LOXL2: variants seen among roughly 807,000 people sequenced by gnomAD.
LOXL2 encodes lysyl oxidase homolog 2.
In LOXL2, 70 loss-of-function variants were observed where a neutral mutation model predicts 93.0. The observed-to-expected ratio is 0.75, with a 90% CI of 0.62 to 0.92. The LOEUF (loss-of-function observed/expected upper bound fraction) is 0.92. LOXL2 is among the 40% of genes least tolerant of loss of function. LOXL2 has a pLI of 0.00. For missense variants in LOXL2, 973 were observed against 1,054.9 expected (o/e 0.92, Z 1.08); for synonymous variants, 438 against 413.2 (o/e 1.06, Z -0.73).
At chr8:23,388,422 T>A (rs4871871) in intron 1 of LOXL2, among the ~76,000 whole-genome samples, 109,901 of 151,222 alleles carry the variant, frequency 0.73, 40,749 homozygotes, top group African/African-American at 0.88. Context: ...TACAAAAAAA[T>A]TTTTTTTTTT....
intron 12 of LOXL2, among the ~76,000 whole-genome samples, chr8:23,300,806 C>T (rs2117137127): frequency 6.6e-6 from 1 of 152,320 alleles, no homozygotes; most frequent in African/African-American, 2.4e-5. Flanking sequence ...GTGGATGGCA[C>T]TGGCCAGAAT....
intron 2 of LOXL2, chr8:23,366,198 G>A (rs555140868): frequency 6.6e-6 from 1 of 152,362 alleles, no homozygotes; most frequent in Admixed American, 6.5e-5. Context: ...ATGAATCTGA[G>A]GTTACCCCTG....
chr8:23,305,806 C>CTT (rs1258365253), intron 10 of LOXL2, among the ~76,000 whole-genome samples: 5 of 142,742 alleles, frequency 3.5e-5, no homozygotes, highest in African/African-American at 1.4e-4. Context: ...GAGCTCAATG[C>CTT]TTTTTTGTTT....
At chr8:23,389,809 G>A (rs543777508) in intron 1 of LOXL2, among the ~76,000 whole-genome samples, 81 of 152,148 alleles carry the variant, frequency 5.3e-4, no homozygotes, top group South Asian at 4.4e-3. Context: ...CCTGGCCTCC[G>A]GCAGGCCCCC....
chr8:23,351,987 T>C (rs562028910), intron 3 of LOXL2, among the ~76,000 whole-genome samples: 1 of 152,306 alleles, frequency 6.6e-6, no homozygotes, highest in Admixed American at 6.5e-5. Context: ...ATTTTTTGTA[T>C]TTTTAGTAGA....
At chr8:23,346,142 TA>T (rs1554479818) in intron 3 of LOXL2, among the ~76,000 whole-genome samples, 1 of 112,558 alleles carries the variant, frequency 8.9e-6, no homozygotes, top group African/African-American at 3.2e-5. Flanking sequence ...TAAAATAAAA[TA>T]AATAAAATAA....
chr8:23,403,364 C>T (rs1163234422), intron 1 of LOXL2, among the ~76,000 whole-genome samples: 1 of 152,210 alleles, frequency 6.6e-6, no homozygotes, highest in African/African-American at 2.4e-5. Flanking sequence ...CCGCAGGACT[C>T]ACGGCGCTCC....
intron 8 of LOXL2, 118 bp from the exon 9 acceptor site, chr8:23,317,232 C>A: frequency 1.8e-6 from 2 of 1,142,310 alleles, no homozygotes; most frequent in Non-Finnish European, 2.6e-6. Flanking sequence ...TTTTTCAGAT[C>A]GAAACAGCAC....
chr8:23,373,901 G>A (rs1804543355), intron 1 of LOXL2, among the ~76,000 whole-genome samples: 1 of 151,050 alleles, frequency 6.6e-6, no homozygotes, highest in South Asian at 2.1e-4. Context: ...GAGACTTCCA[G>A]ATCCTCTAAT....
chr8:23,395,691 TTTATTA>T (rs891565969), intron 1 of LOXL2, among the ~76,000 whole-genome samples: 3 of 152,052 alleles, frequency 2.0e-5, no homozygotes, highest in African/African-American at 7.2e-5. Flanking sequence ...GACTGAAGAC[TTTATTA>T]TTATTATTTT....
intron 3 of LOXL2, among the ~76,000 whole-genome samples, chr8:23,355,662 T>C (rs1316348425): frequency 6.6e-6 from 1 of 150,994 alleles, no homozygotes; most frequent in Non-Finnish European, 1.5e-5. Flanking sequence ...CAGGCTGGAA[T>C]GCAGTGGCAC....
chr8:23,378,971 T>C (rs1291481634), intron 1 of LOXL2, among the ~76,000 whole-genome samples: 3 of 152,238 alleles, frequency 2.0e-5, no homozygotes, highest in Non-Finnish European at 4.4e-5. Context: ...GTTCCATTGC[T>C]GGCGAGGAGC....
At chr8:23,379,829 C>G (rs965639748) in intron 1 of LOXL2, among the ~76,000 whole-genome samples, 5 of 152,108 alleles carry the variant, frequency 3.3e-5, no homozygotes, top group African/African-American at 1.2e-4. Context: ...TTTCCAGGTG[C>G]CATCTGTCAG....
At chr8:23,387,078 G>A (rs896181488) in intron 1 of LOXL2, among the ~76,000 whole-genome samples, 4 of 152,188 alleles carry the variant, frequency 2.6e-5, no homozygotes, top group Admixed American at 6.5e-5. Flanking sequence ...GCAAGGTGCC[G>A]AAGGACTGAA....
chr8:23,299,764 G>T (rs903526590), intron 12 of LOXL2, among the ~76,000 whole-genome samples: 1 of 152,212 alleles, frequency 6.6e-6, no homozygotes, highest in Non-Finnish European at 1.5e-5. Flanking sequence ...GCAGGGGGGC[G>T]GGTACAGGCT....
intron 4 of LOXL2, among the ~76,000 whole-genome samples, chr8:23,337,826 C>T (rs943622580): frequency 2.0e-5 from 3 of 152,162 alleles, no homozygotes; most frequent in African/African-American, 4.8e-5. Context: ...GTCAGTGCCA[C>T]GGCCACACCA....
intron 1 of LOXL2, among the ~76,000 whole-genome samples, chr8:23,397,014 T>C (rs1000950988): frequency 1.3e-5 from 2 of 152,220 alleles, no homozygotes; most frequent in Admixed American, 6.5e-5. Flanking sequence ...CAGTGGGATA[T>C]TATTCAGGCT....
At chr8:23,386,882 C>G (rs1339198653) in intron 1 of LOXL2, among the ~76,000 whole-genome samples, 1 of 152,146 alleles carries the variant, frequency 6.6e-6, no homozygotes, top group Non-Finnish European at 1.5e-5. Context: ...CACAGGCACG[C>G]AAGGGTCCGC....
At chr8:23,403,729 C>G (rs538170100) in intron 1 of LOXL2, among the ~76,000 whole-genome samples, 1 of 152,146 alleles carries the variant, frequency 6.6e-6, no homozygotes, top group Admixed American at 6.5e-5. Context: ...GCAGCCGCGC[C>G]GCGCCCGGCC....
Sources: allele counts gnomAD v4.1 joint callset (sites outside exome capture counted in the v4.1 genomes callset), GRCh38; gene constraint gnomAD v4.1.1; transcripts MANE v1.5; gene names NCBI Gene and HGNC (gene_info 2026-07-23, HGNC 2026-07-21).